The following ABCA3 variants were observed in gnomAD, a reference collection of about 807,000 sequenced individuals.
ABCA3 encodes ATP binding cassette subfamily A member 3, also known as phospholipid-transporting ATPase ABCA3.
In ABCA3, 88 loss-of-function variants were observed where a neutral mutation model predicts 172.8. The ratio of observed to expected loss-of-function variants is 0.51; its 90% CI spans 0.43 to 0.61. ABCA3 has a LOEUF of 0.61. Ranked by LOEUF, ABCA3 falls within the 20% of genes least tolerant of loss-of-function variation. ABCA3 has a pLI of 0.00. For missense variants in ABCA3, 2,164 were observed against 2,301.0 expected (o/e 0.94, Z 1.22); for synonymous variants, 1,066 against 983.8 (o/e 1.08, Z -1.56).
intron 1 of ABCA3, among the ~76,000 whole-genome samples, chr16:2,338,006 T>C (rs998260074): frequency 1.3e-5 from 2 of 152,236 alleles, no homozygotes; most frequent in Admixed American, 1.3e-4. Context: ...TCTCTGCTAC[T>C]GCCTGTTTCC....
chr16:2,284,888 C>A lies in ABCA3; in HGVS notation c.3594G>T (p.Leu1198=). ...CCGCCCCCAAGAAGAAGAAGTTCAT[C>A]AGGTACATGAGGGGGATGATGGCCC... ...YGWAIIPLMY[L]MNFFFLGAAT... Residue 1198 remains leucine, a synonymous_variant, in exon 24 of 33, where the codon CTG becomes CTT. Transcript: ENST00000301732. This position sits in a 1 kb window ranked among gnomAD's most constrained non-coding sequence, Gnocchi z 5.9. 1.9e-6 allele frequency: 3 copies of A among 1,613,898 alleles called. No homozygotes were observed. Among genetic ancestry groups the A allele is most frequent in the Non-Finnish European group, 2.5e-6 (3 of 1,179,988 alleles).
rs2093659840 is a variant in ABCA3, at chr16:2,284,556, T to C, written c.3704-119A>G. The C allele has an allele frequency of 2.1e-6, 3 of 1,435,696 alleles. No homozygotes were observed. The highest frequency in any genetic ancestry group is 2.9e-6 in the Non-Finnish European group (3 of 1,026,720). 88.9% of individuals were successfully genotyped at this position (1,435,696 alleles called of 1,614,324 possible). On this transcript the variant is annotated intron_variant, in intron 24 of 32. Coordinates refer to ENST00000301732, the MANE Select transcript of ABCA3 (RefSeq NM_001089.3). The surrounding 1 kb of genome is among the most constrained non-coding windows in gnomAD (Gnocchi z 5.9). ...GTGCTGTGTGGAGTGAGGGGGCACC[T>C]CCCAGGGACGCCCCTGCCGGCTCTG...
chr16:2,291,499 G>A (rs776449697), intron 19 of ABCA3, among the ~76,000 whole-genome samples: 2 of 152,124 alleles, frequency 1.3e-5, no homozygotes, highest in Non-Finnish European at 2.9e-5. Context: ...CTTCATTAAC[G>A]ACACAGGTAT....
At chr16:2,338,179 C>T (rs534970876) in intron 1 of ABCA3, among the ~76,000 whole-genome samples, 3 of 152,272 alleles carry the variant, frequency 2.0e-5, no homozygotes, top group Non-Finnish European at 2.9e-5. Context: ...ACACGGCTCC[C>T]GCAAAGGCAC....
chr16:2,316,698 A>G (rs2093716468), intron 10 of ABCA3, among the ~76,000 whole-genome samples: 1 of 151,414 alleles, frequency 6.6e-6, no homozygotes, highest in Non-Finnish European at 1.5e-5. Context: ...AAAAACTGGG[A>G]ACCTCTAAAA....
Position 2,317,439 on chromosome 16 carries a change from C to T in ABCA3, c.991-36G>A, listed in dbSNP as rs200524304. Reference sequence around the variant, plus strand: ...CAGGCATGAGTCGGGCGTGGTGGGCCGGCAGAGGTGGACCAGGAGGACTCC... The same window carrying T: ...CAGGCATGAGTCGGGCGTGGTGGGCTGGCAGAGGTGGACCAGGAGGACTCC... On this transcript the variant is annotated intron_variant, in intron 9 of 32. Transcript: ENST00000301732. 3.2e-5 allele frequency: 51 copies of T among 1,611,538 alleles called. 1 individual carries two copies. The highest frequency in any genetic ancestry group is 4.5e-5 in the East Asian group (2 of 44,852).
intron 11 of ABCA3, among the ~76,000 whole-genome samples, chr16:2,305,710 C>G (rs190562677): frequency 4.6e-5 from 7 of 152,280 alleles, no homozygotes; most frequent in African/African-American, 1.7e-4. Flanking sequence ...CAGGTGTGAG[C>G]CACCCCATCC....
At chr16:2,340,413 C>G (rs2093758994) in intron 1 of ABCA3, among the ~76,000 whole-genome samples, 160 bp downstream of exon 1, 1 of 151,002 alleles carries the variant, frequency 6.6e-6, no homozygotes, top group Admixed American at 6.6e-5. Flanking sequence ...CGGGCGCGGC[C>G]GGAGGGGATG....
chr16:2,328,563 G>A lies in ABCA3; in HGVS notation c.-137C>T, dbSNP rs373769747. On this transcript the variant is annotated 5_prime_UTR_variant, in exon 3 of 33. It adds an upstream start codon to the 5' untranslated region. Transcript: ENST00000301732. ...TGTAAAGAGGGCGAGGTGTGCAGACGTGGCTGCTCTGTCCTGGAGAGGCAG... is the reference window on the plus strand; with the variant it reads ...TGTAAAGAGGGCGAGGTGTGCAGACATGGCTGCTCTGTCCTGGAGAGGCAG... The A allele has an allele frequency of 7.8e-6, 4 of 515,994 alleles. No individual in the cohort carries two copies. Among genetic ancestry groups the A allele is most frequent in the Admixed American group, 2.0e-5 (1 of 51,166 alleles). The allele number at this position is 515,994 out of a possible 1,614,324, so 32.0% of individuals were successfully genotyped here. A position where few individuals can be genotyped will look rare whatever the true frequency, so the allele number is the denominator to read the frequency against.
rs749877701 is a variant in ABCA3, at chr16:2,284,732, G to A, written c.3703+47C>T. 1 of 1,575,972 alleles carries A rather than the reference G, an allele frequency of 6.3e-7. No individual in the cohort carries two copies. Among genetic ancestry groups the A allele is most frequent in the Non-Finnish European group, 8.6e-7 (1 of 1,158,182 alleles). The stretch of plus-strand genomic sequence containing the variant: ...GGTGCCTCCCTGTCTGGGCGGAGTG[G>A]CTCCGTGGATGGCCATGGGGGCTGC... On this transcript the variant is annotated intron_variant, in intron 24 of 32. Transcript: ENST00000301732. The surrounding 1 kb of genome is among the most constrained non-coding windows in gnomAD (Gnocchi z 5.9).
rs943757007 is a variant in ABCA3 at position 2,278,800 on chromosome 16, G to C, written c.4547+143C>G. 1.5e-5 allele frequency: 19 copies of C among 1,283,654 alleles called. No individual in the cohort carries two copies. The highest frequency in any genetic ancestry group is 2.5e-5 in the South Asian group (2 of 78,988). The allele number at this position is 1,283,654 out of a possible 1,614,324, so 79.5% of individuals were successfully genotyped here. On this transcript the variant is annotated intron_variant, in intron 29 of 32. Coordinates refer to ENST00000301732, the MANE Select transcript of ABCA3 (RefSeq NM_001089.3). This position sits in a 1 kb window ranked among gnomAD's most constrained non-coding sequence, Gnocchi z 4.4. ...CCCTTTCCTACGTGGAGCTACCTGG[G>C]TCACACCACCACATCCCAGCTCCAT...
chr16:2,299,557 TG>T, intron 13 of ABCA3, 25 bp from the exon 14 acceptor site: 1 of 1,611,368 alleles, frequency 6.2e-7, no homozygotes, highest in Non-Finnish European at 8.5e-7. Flanking sequence ...GAGGCTGCCC[TG>T]GGCTACCCAC....
chr16:2,320,985 CTTTT>C (rs368507865), intron 7 of ABCA3, among the ~76,000 whole-genome samples: 1 of 136,012 alleles, frequency 7.4e-6, no homozygotes, highest in Admixed American at 7.5e-5. Context: ...CTGCTATGTG[CTTTT>C]TTTTTTTTTT....
chr16:2,319,940 G>A lies in ABCA3; in HGVS notation c.614-100C>T. 4 of 1,523,754 alleles carry A rather than the reference G, an allele frequency of 2.6e-6. No homozygotes were observed. The East Asian group carries it at 6.9e-5, about 26-fold the overall frequency. 94.4% of individuals were successfully genotyped at this position (1,523,754 alleles called of 1,614,324 possible). The stretch of plus-strand genomic sequence containing the variant: ...GTCCATGGGGGAAGAGATGCTTGGG[G>A]CAACAGAGTGACTTCAGCTCAGGAC... On this transcript the variant is annotated intron_variant, in intron 7 of 32. Transcript: ENST00000301732.
rs762368219 is a variant in ABCA3 at position 2,323,585 on chromosome 16, A to T, written c.551T>A (p.Leu184His). The T allele has an allele frequency of 1.9e-6, 3 of 1,614,144 alleles. No homozygotes were observed. The highest frequency in any genetic ancestry group is 2.5e-6 in the Non-Finnish European group (3 of 1,180,022). ...TCCTGGGTTTGGGAAAAGCGGGAAA[A>T]GGGAAGTAGTGTGCCAGCCTTCTGT... The part of the protein sequence containing the change: ...KETEGWHTTS[L>H]FPLFPNPGPR... Residue 184 changes from leucine to histidine, a missense_variant, in exon 7 of 33, where the codon CTT becomes CAT. Coordinates refer to ENST00000301732, the MANE Select transcript of ABCA3 (RefSeq NM_001089.3).
In ABCA3 at chr16:2,324,446, GAAGACC is replaced by G; in HGVS notation, c.399_404del (p.Val134_Phe135del). 6.2e-7 allele frequency: 1 copy of G among 1,607,966 alleles called. No individual in the cohort carries two copies. The highest frequency in any genetic ancestry group is 1.1e-5 in the South Asian group (1 of 90,626). On this transcript the variant is annotated inframe_deletion, in exon 6 of 33. Coordinates refer to ENST00000301732, the MANE Select transcript of ABCA3 (RefSeq NM_001089.3). ...CCTTGCTGTGGTTGAAGGGGTGCTC[GAAGACC>G]ACGGCGGCCAGCACGCTGGACGAGC...
chr16:2,336,868 A>G (rs925328334), intron 1 of ABCA3, among the ~76,000 whole-genome samples: 2 of 151,724 alleles, frequency 1.3e-5, no homozygotes, highest in Non-Finnish European at 2.9e-5. Context: ...TGTAGCATTC[A>G]TATGTTGGAT....
At chr16:2,303,207 T>A (rs978849923) in intron 12 of ABCA3, among the ~76,000 whole-genome samples, 13 of 152,038 alleles carry the variant, frequency 8.6e-5, no homozygotes, top group Middle Eastern at 3.2e-3. Context: ...GTCAACAGTG[T>A]TCATCTCACC....
At chr16:2,301,479 G>A (rs1957003740) in intron 12 of ABCA3, among the ~76,000 whole-genome samples, 1 of 152,090 alleles carries the variant, frequency 6.6e-6, no homozygotes, top group African/African-American at 2.4e-5. Context: ...GGCCGAGGCG[G>A]GTGGATCACC....
Sources: allele counts gnomAD v4.1 joint callset (sites outside exome capture counted in the v4.1 genomes callset), GRCh38; gene constraint gnomAD v4.1.1; non-coding constraint Gnocchi (gnomAD v3.1); transcripts MANE v1.5; gene names NCBI Gene and HGNC (gene_info 2026-07-23, HGNC 2026-07-21).